Variants in ATXN1 observed in about 807,000 individuals in gnomAD.
The protein encoded by ATXN1 is ataxin-1.
ATXN1 carries 8 observed loss-of-function variants against 56.4 expected under a neutral mutation model. The ratio of observed to expected loss-of-function variants is 0.14; its 90% confidence interval spans 0.08 to 0.26. The LOEUF (loss-of-function observed/expected upper bound fraction) is 0.26. ATXN1 is among the 10% of genes least tolerant of loss of function. ATXN1 has a pLI of 1.00. For synonymous variants in ATXN1, 514 were observed against 494.6 expected (o/e 1.04, Z -0.52); for missense variants, 987 against 1,106.5 (o/e 0.89, Z 1.53).
rs1051191163 is a variant in ATXN1 at position 16,742,168 on chromosome 6, G to GA, written c.-615+11064dup. On this transcript the variant is annotated intron_variant, in intron 2 of 7. Transcript: ENST00000436367. ...TATGGGTCTATGACCACTTACAAAA[G>GA]AAAAAAAAAATCCAAATCAAACCAA... Among the ~76,000 whole-genome samples the GA allele has an allele frequency of 1.6e-3, 233 of 148,226 alleles. 1 individual carries two copies. Among genetic ancestry groups the GA allele is most frequent in the African/African-American group, 5.3e-3 (216 of 40,440 alleles).
At chr6:16,620,120 A>AC (rs753823305) in intron 3 of ATXN1, among the ~76,000 whole-genome samples, 1 of 151,908 alleles carries the variant, frequency 6.6e-6, no homozygotes, top group African/African-American at 2.4e-5. Flanking sequence ...TAAAACAATA[A>AC]CCCCCCTCAA....
At chr6:16,669,867 A>G (rs1474262108) in intron 2 of ATXN1, among the ~76,000 whole-genome samples, 3 of 152,194 alleles carry the variant, frequency 2.0e-5, no homozygotes, top group East Asian at 3.9e-4. Flanking sequence ...TGTCAGTTCT[A>G]GAATAACTCT....
intron 3 of ATXN1, among the ~76,000 whole-genome samples, chr6:16,599,616 CAGG>C (rs1352399434): frequency 6.7e-6 from 1 of 150,308 alleles, no homozygotes; most frequent in African/African-American, 2.5e-5. Flanking sequence ...GAGGGTGAGA[CAGG>C]AGAACAGCTT....
intron 6 of ATXN1, among the ~76,000 whole-genome samples, chr6:16,373,634 C>T (rs1199165111): frequency 6.6e-6 from 1 of 152,182 alleles, no homozygotes; most frequent in Non-Finnish European, 1.5e-5. Flanking sequence ...TTCCCCCATA[C>T]TGTTCTCGTG....
chr6:16,408,801 C>T (rs978742426), intron 6 of ATXN1, among the ~76,000 whole-genome samples: 8 of 152,244 alleles, frequency 5.3e-5, no homozygotes, highest in Admixed American at 3.3e-4. Flanking sequence ...AGGGTAGTGG[C>T]ATGTTCTTAG....
intron 6 of ATXN1, among the ~76,000 whole-genome samples, chr6:16,443,958 CA>C (rs944879743): frequency 2.0e-5 from 3 of 151,972 alleles, no homozygotes; most frequent in Non-Finnish European, 4.4e-5. Context: ...CTACTAAAAA[CA>C]GAAAAGATTA....
intron 3 of ATXN1, among the ~76,000 whole-genome samples, chr6:16,587,930 T>TAAA (rs774400213): frequency 2.6e-4 from 34 of 128,930 alleles, no homozygotes; most frequent in African/African-American, 9.5e-4. Context: ...GAACTCTGTC[T>TAAA]AAAAAAAAAA....
At chr6:16,431,658 C>T (rs1759286292) in intron 6 of ATXN1, among the ~76,000 whole-genome samples, 1 of 152,190 alleles carries the variant, frequency 6.6e-6, no homozygotes, top group Non-Finnish European at 1.5e-5. Flanking sequence ...TCATTTAATT[C>T]TCACAACTAC....
chr6:16,399,666 G>C (rs1035796263), intron 6 of ATXN1, among the ~76,000 whole-genome samples: 3 of 152,158 alleles, frequency 2.0e-5, no homozygotes, highest in African/African-American at 7.2e-5. Flanking sequence ...GGGACACCTG[G>C]AAGTGTCTGA....
chr6:16,617,766 CAA>C (rs397975811), intron 3 of ATXN1, among the ~76,000 whole-genome samples: 12 of 89,484 alleles, frequency 1.3e-4, no homozygotes, highest in Admixed American at 4.9e-4. Context: ...AACTCTGTCT[CAA>C]AAAAAAAAAA....
chr6:16,630,926 C>CTATATA (rs1209411986), intron 3 of ATXN1, among the ~76,000 whole-genome samples: 3 of 152,138 alleles, frequency 2.0e-5, no homozygotes, highest in Non-Finnish European at 4.4e-5. Context: ...TAATAATTTG[C>CTATATA]ATTTCTGCTA....
chr6:16,308,510 T>C (rs560418276), intron 7 of ATXN1, among the ~76,000 whole-genome samples: 100 of 152,238 alleles, frequency 6.6e-4, no homozygotes, highest in Admixed American at 2.1e-3. Context: ...GTTAAGAGCA[T>C]AGGGAACAGG....
At chr6:16,473,484 A>G (rs1013986139) in intron 6 of ATXN1, among the ~76,000 whole-genome samples, 8 of 152,198 alleles carry the variant, frequency 5.3e-5, no homozygotes, top group Non-Finnish European at 8.8e-5. Flanking sequence ...AAGCATTTTG[A>G]GAGTGCCCCA....
intron 3 of ATXN1, among the ~76,000 whole-genome samples, chr6:16,632,591 G>A (rs1481138807): frequency 6.6e-6 from 1 of 152,108 alleles, no homozygotes; most frequent in Non-Finnish European, 1.5e-5. Flanking sequence ...GTTGGGGGCT[G>A]TAAGGGTCTC....
chr6:16,743,547 G>A (rs371888870), intron 2 of ATXN1, among the ~76,000 whole-genome samples: 14 of 152,192 alleles, frequency 9.2e-5, no homozygotes, highest in East Asian at 5.8e-4. Flanking sequence ...GGGAATGCCC[G>A]TATGTATTGC....
intron 4 of ATXN1, among the ~76,000 whole-genome samples, chr6:16,578,291 G>T (rs747139833): frequency 4.6e-5 from 7 of 152,126 alleles, no homozygotes; most frequent in Non-Finnish European, 8.8e-5. Flanking sequence ...GAGGATCTGA[G>T]GATTTCTAAC....
chr6:16,593,728 G>A (rs1762763687), intron 3 of ATXN1, among the ~76,000 whole-genome samples: 1 of 151,480 alleles, frequency 6.6e-6, no homozygotes, highest in Non-Finnish European at 1.5e-5. Flanking sequence ...ACACAATATT[G>A]TTTCTAAGAT....
intron 4 of ATXN1, among the ~76,000 whole-genome samples, chr6:16,538,873 A>G (rs1761657846): frequency 6.6e-6 from 1 of 152,110 alleles, no homozygotes; most frequent in African/African-American, 2.4e-5. Context: ...TTCAGTAGAG[A>G]CAGGGTTTCA....
intron 2 of ATXN1, among the ~76,000 whole-genome samples, chr6:16,681,887 G>A (rs1038773196): frequency 1.3e-5 from 2 of 152,138 alleles, no homozygotes; most frequent in South Asian, 2.1e-4. Flanking sequence ...AAATATACAC[G>A]TGGCAGATAC....
Sources: allele counts gnomAD v4.1 joint callset (sites outside exome capture counted in the v4.1 genomes callset), GRCh38; gene constraint gnomAD v4.1.1; transcripts MANE v1.5; gene names NCBI Gene and HGNC (gene_info 2026-07-23, HGNC 2026-07-21).